DIAPH2: variants seen among roughly 807,000 people sequenced by gnomAD.
DIAPH2 encodes the protein diaphanous related formin 2, also known as protein diaphanous homolog 2.
In DIAPH2, 35 loss-of-function variants were observed where a neutral mutation model predicts 92.7. That is an observed-to-expected ratio of 0.38 (90% CI 0.29 to 0.50). The LOEUF is 0.50. DIAPH2 is among the 20% of genes least tolerant of loss of function. The pLI is 0.94. For synonymous variants in DIAPH2, 301 were observed against 280.4 expected, an observed-to-expected ratio of 1.07 and a Z score of -0.73; for missense variants, 701 against 819.5, an observed-to-expected ratio of 0.86 and a Z score of 1.77.
chrX:97,125,602 G>A (rs1412818603), intron 21 of DIAPH2, among the ~76,000 whole-genome samples: 1 of 109,829 alleles, frequency 9.1e-6, no homozygotes, highest in East Asian at 2.8e-4. Flanking sequence ...GTAATGAAGG[G>A]TATAATTTGT....
chrX:97,568,104 A>G (rs1320646504), intron 26 of DIAPH2, among the ~76,000 whole-genome samples: 2 of 70,173 alleles, frequency 2.9e-5, no homozygotes, highest in African/African-American at 5.3e-5. Flanking sequence ...CGACAGAACG[A>G]GACTCCATCT....
chrX:96,852,114 G>A (rs1422762401), intron 4 of DIAPH2, among the ~76,000 whole-genome samples: 1 of 112,061 alleles, frequency 8.9e-6, no homozygotes, highest in Non-Finnish European at 1.9e-5. Flanking sequence ...CTTGAAAAAT[G>A]TTTAAAATGT....
intron 1 of DIAPH2, among the ~76,000 whole-genome samples, chrX:96,705,603 C>T (rs942328134): frequency 9.0e-6 from 1 of 111,697 alleles, no homozygotes; most frequent in African/African-American, 3.3e-5. Flanking sequence ...TAGAAGACCA[C>T]CTTATATTTT....
chrX:97,568,135 A>C (rs1170319347), intron 26 of DIAPH2, among the ~76,000 whole-genome samples: 2 of 107,878 alleles, frequency 1.9e-5, no homozygotes, highest in African/African-American at 3.4e-5. Context: ...AAAAAAAAAA[A>C]AAAAGAGTGG....
intron 22 of DIAPH2, among the ~76,000 whole-genome samples, chrX:97,197,454 G>A (rs1455506832): frequency 6.3e-5 from 7 of 111,756 alleles, no homozygotes; most frequent in African/African-American, 1.6e-4. Flanking sequence ...GAATATCTTA[G>A]GACCATAAGA....
At chrX:97,304,360 G>A (rs940293297) in intron 23 of DIAPH2, among the ~76,000 whole-genome samples, 5 of 112,229 alleles carry the variant, frequency 4.5e-5, no homozygotes, top group African/African-American at 1.6e-4. Flanking sequence ...GATCTGAGAA[G>A]AAATCACAGT....
rs148725772 is a variant in DIAPH2 at position 97,135,566 on chromosome X, A to G, written c.2590-6099A>G. ...TGAGAAAGGCTTATTACTAGTAACTACGACTCTCCTCCCTTTCCACACGCA... is the reference window on the plus strand; with the variant it reads ...TGAGAAAGGCTTATTACTAGTAACTGCGACTCTCCTCCCTTTCCACACGCA... On this transcript the variant is annotated intron_variant, in intron 21 of 26. Coordinates refer to ENST00000324765, the MANE Select transcript of DIAPH2 (RefSeq NM_006729.5). Among the ~76,000 whole-genome samples, 90 of 110,795 alleles carry G rather than the reference A, an allele frequency of 8.1e-4. 1 individual carries two copies. The highest frequency in any genetic ancestry group is 1.6e-3 in the Non-Finnish European group (84 of 52,967).
At chrX:97,167,730 C>A in intron 22 of DIAPH2, among the ~76,000 whole-genome samples, 1 of 111,437 alleles carries the variant, frequency 9.0e-6, no homozygotes, top group Admixed American at 9.6e-5. Context: ...TAAGTACTTC[C>A]TTTGGTACAC....
intron 4 of DIAPH2, among the ~76,000 whole-genome samples, chrX:96,860,259 G>T (rs999995922): frequency 8.9e-6 from 1 of 111,767 alleles, no homozygotes; most frequent in Non-Finnish European, 1.9e-5. Context: ...ATTACACACG[G>T]GATTAATATT....
intron 22 of DIAPH2, among the ~76,000 whole-genome samples, chrX:97,214,521 A>C (rs753352105): frequency 9.2e-6 from 1 of 108,800 alleles, no homozygotes; most frequent in African/African-American, 3.5e-5. Flanking sequence ...TTTTCTTAGA[A>C]ATTTCCTTTA....
intron 1 of DIAPH2, among the ~76,000 whole-genome samples, chrX:96,697,345 G>A (rs1222440267): frequency 9.1e-6 from 1 of 109,390 alleles, no homozygotes; most frequent in African/African-American, 3.3e-5. Flanking sequence ...GGTGAATTTA[G>A]AATTGAAGAC....
chrX:96,991,465 C>T (rs1212484138), intron 17 of DIAPH2, among the ~76,000 whole-genome samples: 1 of 106,831 alleles, frequency 9.4e-6, no homozygotes, highest in Non-Finnish European at 1.9e-5. Flanking sequence ...AGAGAAATTA[C>T]ATAACTTGCC....
intron 3 of DIAPH2, among the ~76,000 whole-genome samples, chrX:96,756,796 T>A (rs943282055): frequency 1.2e-3 from 135 of 111,620 alleles, no homozygotes; most frequent in Non-Finnish European, 4.0e-4. Context: ...TTCCTCTTTT[T>A]TTCTAGTTAT....
intron 4 of DIAPH2, among the ~76,000 whole-genome samples, chrX:96,862,816 T>C (rs971113995): frequency 8.9e-6 from 1 of 112,007 alleles, no homozygotes; most frequent in Non-Finnish European, 1.9e-5. Context: ...GTGGTTGTTT[T>C]TGCCTTGGAC....
At chrX:97,114,393 C>T (rs1337891085) in intron 20 of DIAPH2, among the ~76,000 whole-genome samples, 4 of 111,496 alleles carry the variant, frequency 3.6e-5, no homozygotes, top group Non-Finnish European at 5.7e-5. Flanking sequence ...ATAAATTTTC[C>T]TAGTTCACCT....
At chrX:97,586,224 T>C (rs767241523) in intron 26 of DIAPH2, among the ~76,000 whole-genome samples, 1 of 111,777 alleles carries the variant, frequency 8.9e-6, no homozygotes, top group Non-Finnish European at 1.9e-5. Context: ...GGCATACAAA[T>C]TGACAAATCC....
intron 23 of DIAPH2, among the ~76,000 whole-genome samples, chrX:97,325,479 T>C (rs1425247604): frequency 8.9e-6 from 1 of 112,270 alleles, no homozygotes; most frequent in East Asian, 2.8e-4. Context: ...TTGTCCAGTC[T>C]GGGCAGTTAC....
chrX:97,159,194 C>G (rs752640481), intron 22 of DIAPH2, among the ~76,000 whole-genome samples: 1 of 112,063 alleles, frequency 8.9e-6, no homozygotes, highest in Non-Finnish European at 1.9e-5. Flanking sequence ...GGGTTCATAA[C>G]TCAGCTTTAG....
chrX:96,910,392 G>A (rs1190182014), intron 5 of DIAPH2, among the ~76,000 whole-genome samples: 1 of 111,061 alleles, frequency 9.0e-6, no homozygotes, highest in Non-Finnish European at 1.9e-5. Context: ...ATTGTGGATG[G>A]CGATTGGTTC....
Sources: gnomAD v4.1 joint callset for allele counts (sites outside exome capture counted in the v4.1 genomes callset) on GRCh38, gnomAD v4.1.1 for gene constraint, MANE v1.5 for transcripts, NCBI Gene and HGNC (gene_info 2026-07-23, HGNC 2026-07-21) for gene names.